The following AMZ1 variants were observed in gnomAD, a reference collection of about 807,000 sequenced individuals.
AMZ1 encodes the protein archaemetzincin-1.
Under a neutral mutation model 29.9 loss-of-function variants are expected in AMZ1, and 39 were observed. That is an observed-to-expected ratio of 1.30 (90% CI 1.01 to 1.70). The LOEUF (loss-of-function observed/expected upper bound fraction) is 1.70, where lower values mean the gene tolerates loss of function less well. Ranked by LOEUF, AMZ1 falls within the 40% of genes most tolerant of loss-of-function variation. AMZ1 has a pLI of 0.00. For missense variants in AMZ1, 1,041 were observed against 680.6 expected, an observed-to-expected ratio of 1.53 and a Z score of -5.89; for synonymous variants, 458 against 304.0, an observed-to-expected ratio of 1.51 and a Z score of -5.27.
intron 1 of AMZ1, among the ~76,000 whole-genome samples, chr7:2,699,500 C>T (rs947298017): frequency 3.3e-5 from 5 of 152,012 alleles, no homozygotes; most frequent in Admixed American, 3.3e-4. Context: ...GTCCTGGGGA[C>T]GTCTGCGTGC....
intron 4 of AMZ1, among the ~76,000 whole-genome samples, chr7:2,752,795 G>C (rs1461955742): frequency 6.6e-6 from 1 of 152,174 alleles, no homozygotes; most frequent in East Asian, 1.9e-4. Flanking sequence ...GCCTAGAGAG[G>C]TATAGGTGGA....
At chr7:2,743,602 A>T (rs758688529) in intron 4 of AMZ1, among the ~76,000 whole-genome samples, 1 of 152,208 alleles carries the variant, frequency 6.6e-6, no homozygotes, top group South Asian at 2.1e-4. Context: ...TACAGCTCCC[A>T]GCGTGAGCAA....
Position 2,709,703 on chromosome 7 carries a change from A to T in AMZ1, c.835A>T (p.Met279Leu), listed in dbSNP as rs779800286. ...LGNCRWLRCLMQGALSLDEAL... is the reference protein window; with the variant it reads ...LGNCRWLRCLLQGALSLDEAL... ...GAACTGCCGCTGGCTCCGCTGCCTC[A>T]TGCAGGGTGCGCTCAGCCTGGACGA... The change falls in exon 6 of 7, where the codon ATG (methionine) becomes TTG (leucine). Residue 279 changes from methionine (M) to leucine (L), a missense_variant. By Grantham distance (15) the Met-to-Leu change is conservative. Coordinates refer to ENST00000683327, the MANE Select transcript of AMZ1 (RefSeq NM_001384743.1). 9 of 1,611,088 alleles carry T rather than the reference A, an allele frequency of 5.6e-6. No individual in the cohort carries two copies. Among genetic ancestry groups the T allele is most frequent in the Non-Finnish European group, 7.6e-6 (9 of 1,179,852 alleles).
intron 1 of AMZ1, among the ~76,000 whole-genome samples, chr7:2,682,246 C>T (rs1450990686): frequency 6.6e-6 from 1 of 151,168 alleles, no homozygotes; most frequent in Non-Finnish European, 1.5e-5. Flanking sequence ...AGCTCCTGTC[C>T]TCCCCTCAGG....
chr7:2,744,513 A>C (rs1790671780), intron 4 of AMZ1, among the ~76,000 whole-genome samples: 1 of 152,220 alleles, frequency 6.6e-6, no homozygotes, highest in African/African-American at 2.4e-5. Context: ...CCAAAAACCC[A>C]TCTGTACGTC....
intron 4 of AMZ1, among the ~76,000 whole-genome samples, chr7:2,727,858 C>G (rs544402051): frequency 2.6e-5 from 4 of 151,402 alleles, no homozygotes; most frequent in African/African-American, 9.7e-5. Flanking sequence ...GAGATAGAGA[C>G]CACCCTGGCC....
Position 2,715,725 on chromosome 7 carries a change from C to T in AMZ1, c.*2847C>T, listed in dbSNP as rs1256621675. ...CTCTCCCCCGTGTTAGCCCCAGGTT[C>T]TGTCTGTGCTGTGGTGAAGAGTGAC... On this transcript the variant is annotated 3_prime_UTR_variant, in exon 7 of 7. Coordinates refer to ENST00000683327, the MANE Select transcript of AMZ1 (RefSeq NM_001384743.1). 6.6e-6 allele frequency: 1 copy of T among 152,220 alleles called. No homozygotes were observed. Among genetic ancestry groups the T allele is most frequent in the Non-Finnish European group, 1.5e-5 (1 of 68,052 alleles). 9.4% of individuals were successfully genotyped at this position (152,220 alleles called of 1,614,324 possible). A position where few individuals can be genotyped will look rare whatever the true frequency, so the allele number is the denominator to read the frequency against.
rs372644647 is a variant in AMZ1, at chr7:2,731,253, G to A, written n.550+21437G>A. On this transcript the variant is annotated intron_variant and non_coding_transcript_variant, in intron 4 of 4. Transcript: ENST00000489665. The surrounding 1 kb of genome is among the most constrained non-coding windows in gnomAD (Gnocchi z 6.0). The stretch of plus-strand genomic sequence containing the variant: ...TCACAGCATGGAACACGAAGCGGAC[G>A]TTCTCGGTGTCGATGGCGGTGGTGA... 3.5e-5 allele frequency: 57 copies of A among 1,613,872 alleles called. No homozygotes were observed. In the East Asian group the frequency reaches 4.7e-4, roughly 13 times the overall value.
intron 4 of AMZ1, among the ~76,000 whole-genome samples, chr7:2,727,201 CT>C (rs1204440898): frequency 6.6e-6 from 1 of 152,126 alleles, no homozygotes; most frequent in African/African-American, 2.4e-5. Context: ...CCTGCCTCTG[CT>C]TTCCGAGTAG....
rs762216644 is a variant in AMZ1 at position 2,709,629 on chromosome 7, C to G, written c.772-11C>G. The G allele has an allele frequency of 2.5e-6, 4 of 1,605,456 alleles. No individual in the cohort carries two copies. The East Asian group carries it at 8.9e-5, about 36-fold the overall frequency. On this transcript the variant is annotated splice_polypyrimidine_tract_variant and intron_variant, in intron 5 of 6. Transcript: ENST00000683327. ...GCAGTGAGGCAAGGTGCTTGGTGGC[C>G]TTCCCCCCAGGTCACGTGCCACGAG...
intron 4 of AMZ1, among the ~76,000 whole-genome samples, chr7:2,726,731 CAAG>C (rs984855202): frequency 6.6e-6 from 1 of 152,254 alleles, no homozygotes; most frequent in African/African-American, 2.4e-5. Flanking sequence ...CTTGTTTGGG[CAAG>C]AAGAGAGATG....
At chr7:2,753,970 G>GC (rs1284268171) in intron 4 of AMZ1, among the ~76,000 whole-genome samples, 1 of 152,122 alleles carries the variant, frequency 6.6e-6, no homozygotes, top group Non-Finnish European at 1.5e-5. Flanking sequence ...CATCTTAGGT[G>GC]CTTTGTTCAC....
In AMZ1 at chr7:2,731,914, G is replaced by A. The variant is rs1350976268; in HGVS notation, n.550+22098G>A. ...TCATTTATAACATTATCAACTGGCCGTGAAACAGAAAGAATCAAATACTTC... is the reference window on the plus strand; with the variant it reads ...TCATTTATAACATTATCAACTGGCCATGAAACAGAAAGAATCAAATACTTC... On this transcript the variant is annotated intron_variant and non_coding_transcript_variant, in intron 4 of 4. Coordinates refer to the AMZ1 transcript ENST00000489665. The surrounding 1 kb of genome is among the most constrained non-coding windows in gnomAD (Gnocchi z 6.0). 6.6e-6 allele frequency among the ~76,000 whole-genome samples: 1 copy of A among 152,200 alleles called. No homozygotes were observed. The highest frequency in any genetic ancestry group is 2.1e-4 in the South Asian group (1 of 4,824).
chr7:2,713,672 A>G lies in AMZ1; in HGVS notation c.*794A>G, dbSNP rs1035658779. On this transcript the variant is annotated 3_prime_UTR_variant, in exon 7 of 7. Transcript: ENST00000683327. Reference sequence around the variant, plus strand: ...ACACACTGTCACGTTCTGTGGCGCTAACAGCATCCTGATCCTGACGGACTT... The same window carrying G: ...ACACACTGTCACGTTCTGTGGCGCTGACAGCATCCTGATCCTGACGGACTT... 1 of 152,462 alleles carries G rather than the reference A, an allele frequency of 6.6e-6. No homozygotes were observed. The highest frequency in any genetic ancestry group is 1.9e-4 in the East Asian group (1 of 5,336). 9.4% of individuals were successfully genotyped at this position (152,462 alleles called of 1,614,324 possible).
chr7:2,707,738 T>C (rs1788445789), intron 3 of AMZ1, among the ~76,000 whole-genome samples: 1 of 151,660 alleles, frequency 6.6e-6, no homozygotes. Context: ...CCTTGGCTAA[T>C]GGTCCTTCCT....
rs182917978 is a variant in AMZ1, at chr7:2,709,841, G to A, written c.948+25G>A. On this transcript the variant is annotated intron_variant, in intron 6 of 6. Coordinates refer to ENST00000683327, the MANE Select transcript of AMZ1 (RefSeq NM_001384743.1). Reference sequence around the variant, plus strand: ...GGTGAGTGGCTGAGTTGCGCTGCCCGGCTGCTGGGACCTGCGCTCCGGAGG... The same window carrying A: ...GGTGAGTGGCTGAGTTGCGCTGCCCAGCTGCTGGGACCTGCGCTCCGGAGG... The A allele has an allele frequency of 1.1e-3, 1,771 of 1,608,466 alleles. 3 individuals are homozygous for A. The highest frequency in any genetic ancestry group is 1.3e-3 in the African/African-American group (99 of 74,980).
intron 1 of AMZ1, among the ~76,000 whole-genome samples, chr7:2,697,551 G>A (rs1787817133): frequency 6.6e-6 from 1 of 151,944 alleles, no homozygotes; most frequent in Non-Finnish European, 1.5e-5. Flanking sequence ...AGCCTCCTGA[G>A]TTGCTGGGAC....
upstream of AMZ1, chr7:2,762,804 G>T: frequency 6.5e-7 from 1 of 1,531,678 alleles, no homozygotes; most frequent in Non-Finnish European, 8.8e-7. Context: ...GGAGCACTCA[G>T]GGCGGCCTCC....
At chr7:2,751,754 C>T (rs368174355) in intron 4 of AMZ1, among the ~76,000 whole-genome samples, 1 of 152,194 alleles carries the variant, frequency 6.6e-6, no homozygotes, top group Non-Finnish European at 1.5e-5. Context: ...ACAGATTGGA[C>T]ATCTTATACG....
Sources: gnomAD v4.1 joint callset for allele counts (sites outside exome capture counted in the v4.1 genomes callset) on GRCh38, gnomAD v4.1.1 for gene constraint, Gnocchi (gnomAD v3.1) non-coding constraint, MANE v1.5 for transcripts, NCBI Gene and HGNC (gene_info 2026-07-23, HGNC 2026-07-21) for gene names.